THEMIS: variants seen among roughly 807,000 people sequenced by gnomAD.
THEMIS encodes the protein protein THEMIS.
THEMIS carries 37 observed loss-of-function variants against 52.6 expected under a neutral mutation model. The ratio of observed to expected loss-of-function variants is 0.70; its 90% CI spans 0.54 to 0.93. The LOEUF (loss-of-function observed/expected upper bound fraction) is 0.93. Among genes scored for constraint, THEMIS ranks in the 40% least tolerant of loss-of-function variants. THEMIS has a pLI of 0.00. For synonymous variants in THEMIS, 292 were observed against 272.7 expected (o/e 1.07, Z -0.70); for missense variants, 808 against 763.1 (o/e 1.06, Z -0.69).
At position 127,872,922 on chromosome 6, in the gene THEMIS, T is replaced by C. The variant is rs149221841; in HGVS notation, c.92-17734A>G. The stretch of plus-strand genomic sequence containing the variant: ...TCTAAAAAAACAAAACAAAACACTA[T>C]TAGAACTATTAAGTGAGTTCACCAA... On this transcript the variant is annotated intron_variant, in intron 1 of 5. Coordinates refer to ENST00000368248, the MANE Select transcript of THEMIS (RefSeq NM_001010923.3). Among the ~76,000 whole-genome samples, 107 of 152,276 alleles carry C rather than the reference T, an allele frequency of 7.0e-4. 1 individual carries two copies. Among genetic ancestry groups the C allele is most frequent in the African/African-American group, 2.5e-3 (104 of 41,570 alleles).
At chr6:127,896,245 C>T (rs1439034538) in intron 1 of THEMIS, among the ~76,000 whole-genome samples, 1 of 150,970 alleles carries the variant, frequency 6.6e-6, no homozygotes, top group African/African-American at 2.4e-5. Context: ...TTATCATTAC[C>T]TCTATTCAGT....
At chr6:127,806,027 G>T (rs1777690623) in intron 4 of THEMIS, among the ~76,000 whole-genome samples, 1 of 151,606 alleles carries the variant, frequency 6.6e-6, no homozygotes, top group Admixed American at 6.6e-5. Context: ...TATCTAGTGA[G>T]CCCACACTCA....
the THEMIS span, among the ~76,000 whole-genome samples, chr6:127,702,336 A>G: frequency 5.9e-5 from 9 of 152,130 alleles, no homozygotes; most frequent in Non-Finnish European, 1.0e-4. Flanking sequence ...TTCTTCTTGA[A>G]ATATGCTGCT....
At chr6:127,881,585 G>A (rs1583390922) in intron 1 of THEMIS, among the ~76,000 whole-genome samples, 1 of 151,832 alleles carries the variant, frequency 6.6e-6, no homozygotes, top group African/African-American at 2.4e-5. Flanking sequence ...ATACTCCATT[G>A]TACAAAAATG....
At chr6:127,863,728 C>T (rs1779883060) in intron 1 of THEMIS, among the ~76,000 whole-genome samples, 1 of 152,110 alleles carries the variant, frequency 6.6e-6, no homozygotes. Context: ...AATATGTGTA[C>T]TTAAGTGTTC....
At chr6:127,729,221 T>C (rs1003902859) in intron 4 of THEMIS, among the ~76,000 whole-genome samples, 18 of 144,152 alleles carry the variant, frequency 1.2e-4, no homozygotes, top group African/African-American at 4.1e-4. Flanking sequence ...TCCCCAGAGG[T>C]AGCAAGCTCA....
intron 4 of THEMIS, among the ~76,000 whole-genome samples, chr6:127,788,357 T>A (rs1282140534): frequency 6.6e-6 from 1 of 152,216 alleles, no homozygotes; most frequent in Admixed American, 6.5e-5. Flanking sequence ...ACCAACCTAG[T>A]GACTTTCCCT....
chr6:127,829,355 A>G (rs527321795), intron 3 of THEMIS, 121 bp downstream of exon 3: 3 of 760,646 alleles, frequency 3.9e-6, no homozygotes, highest in Non-Finnish European at 6.4e-6. Flanking sequence ...GAGGAATCTA[A>G]CTCTCACAGG....
intron 4 of THEMIS, among the ~76,000 whole-genome samples, chr6:127,759,261 A>T (rs1775935703): frequency 6.6e-6 from 1 of 152,186 alleles, no homozygotes; most frequent in South Asian, 2.1e-4. Context: ...AAGCAAATTA[A>T]TCAATGAATA....
At chr6:127,734,868 C>CAAAAAAA (rs1197660495) in intron 4 of THEMIS, among the ~76,000 whole-genome samples, 2 of 32,954 alleles carry the variant, frequency 6.1e-5, no homozygotes, top group African/African-American at 1.4e-4. Flanking sequence ...GGCTCTGTCT[C>CAAAAAAA]AAAAAAAAAA....
intron 4 of THEMIS, among the ~76,000 whole-genome samples, chr6:127,810,946 T>C (rs1048710306): frequency 1.3e-5 from 2 of 152,058 alleles, no homozygotes; most frequent in African/African-American, 4.8e-5. Context: ...CAACTTAGGC[T>C]GTTTTCAAGA....
chr6:127,880,521 A>G (rs958349911), intron 1 of THEMIS, among the ~76,000 whole-genome samples: 11 of 151,936 alleles, frequency 7.2e-5, no homozygotes, highest in African/African-American at 2.2e-4. Context: ...GGAAAAAAAA[A>G]AAACTTTTTT....
At chr6:127,730,465 G>T in intron 4 of THEMIS, among the ~76,000 whole-genome samples, 1 of 131,584 alleles carries the variant, frequency 7.6e-6, no homozygotes, top group Non-Finnish European at 1.6e-5. Flanking sequence ...AAGAAAGAAA[G>T]AGAAAGAGAC....
chr6:127,714,579 C>T (rs1251481073), intron 5 of THEMIS, among the ~76,000 whole-genome samples: 1 of 151,646 alleles, frequency 6.6e-6, no homozygotes, highest in Non-Finnish European at 1.5e-5. Context: ...ACACATTAAG[C>T]GATATTTTAA....
chr6:127,843,381 A>G (rs1356657031), intron 2 of THEMIS, among the ~76,000 whole-genome samples: 1 of 151,842 alleles, frequency 6.6e-6, no homozygotes, highest in Non-Finnish European at 1.5e-5. Flanking sequence ...TAACGTAGCC[A>G]TTGTGCTGAG....
At chr6:127,893,432 T>C (rs1159010168) in intron 1 of THEMIS, among the ~76,000 whole-genome samples, 1 of 152,160 alleles carries the variant, frequency 6.6e-6, no homozygotes, top group Non-Finnish European at 1.5e-5. Context: ...AAGGTTGTGA[T>C]AAAACCTATT....
chr6:127,703,694 A>G (rs1461877703), downstream of THEMIS, among the ~76,000 whole-genome samples: 2 of 152,214 alleles, frequency 1.3e-5, no homozygotes, highest in African/African-American at 4.8e-5. Flanking sequence ...AGAATAAATA[A>G]TAAACTAAAC....
chr6:127,878,095 T>C (rs1386887868), intron 1 of THEMIS, among the ~76,000 whole-genome samples: 2 of 152,222 alleles, frequency 1.3e-5, no homozygotes, highest in Non-Finnish European at 2.9e-5. Flanking sequence ...ATACAGGCTT[T>C]GTTAATTAGA....
chr6:127,703,048 T>G, the THEMIS span, among the ~76,000 whole-genome samples: 43 of 115,386 alleles, frequency 3.7e-4, 1 homozygote, highest in Non-Finnish European at 6.9e-4. Context: ...TTTTTTTTTT[T>G]TTTTTTTTTT....
Sources: gnomAD v4.1 joint callset for allele counts (sites outside exome capture counted in the v4.1 genomes callset) on GRCh38, gnomAD v4.1.1 for gene constraint, MANE v1.5 for transcripts, NCBI Gene and HGNC (gene_info 2026-07-23, HGNC 2026-07-21) for gene names.